OBI1: variants seen among roughly 807,000 people sequenced by gnomAD.
OBI1 encodes the protein ORC ubiquitin ligase 1.
Under a neutral mutation model 62.4 loss-of-function variants are expected in OBI1, and 59 were observed. That is an observed-to-expected ratio of 0.95 (90% confidence interval 0.77 to 1.17). The LOEUF is 1.17. Ranked by LOEUF, OBI1 falls within the 50% of genes most tolerant of loss-of-function variation. OBI1 has a pLI of 0.00. For synonymous variants in OBI1, 302 were observed against 292.8 expected, an observed-to-expected ratio of 1.03 and a Z score of -0.32; for missense variants, 875 against 830.9, an observed-to-expected ratio of 1.05 and a Z score of -0.65.
At chr13:78,651,446 C>T (rs1367059705) in intron 1 of OBI1, among the ~76,000 whole-genome samples, 1 of 152,172 alleles carries the variant, frequency 6.6e-6, no homozygotes, top group Non-Finnish European at 1.5e-5. Context: ...CCTTGACCTA[C>T]CATTTCAATA....
chr13:78,624,534 C>T (rs1875607618), intron 5 of OBI1, among the ~76,000 whole-genome samples: 2 of 152,112 alleles, frequency 1.3e-5, no homozygotes. Context: ...GTGGCATGAT[C>T]ACGGCTCACT....
At chr13:78,620,779 T>C (rs185124102) in intron 5 of OBI1, 1 of 388,944 alleles carries the variant, frequency 2.6e-6, no homozygotes, top group East Asian at 7.5e-5. Flanking sequence ...CCTAAGACCA[T>C]ATTTTCTCAT....
chr13:78,632,392 C>T (rs1290733248), intron 5 of OBI1, among the ~76,000 whole-genome samples: 1 of 152,130 alleles, frequency 6.6e-6, no homozygotes, highest in East Asian at 1.9e-4. Context: ...ACAATCTGAG[C>T]TAATACACCT....
At chr13:78,654,624 G>A (rs1486620621) in intron 1 of OBI1, among the ~76,000 whole-genome samples, 1 of 152,168 alleles carries the variant, frequency 6.6e-6, no homozygotes, top group Non-Finnish European at 1.5e-5. Context: ...CAATATGGGT[G>A]AGAAGAAGAG....
intron 1 of OBI1, among the ~76,000 whole-genome samples, chr13:78,658,544 G>T (rs1169841494): frequency 6.6e-6 from 1 of 152,134 alleles, no homozygotes; most frequent in East Asian, 1.9e-4. Flanking sequence ...CATCCTCAAG[G>T]CCAGGATAAA....
rs763995541 is a variant in OBI1, at chr13:78,659,147, G to A, written c.-27C>T. ...GCAGCGTTCAGAATCCCGCCAACAC[G>A]GAAGTCCCGCCGACCTACCGCTACT... On this transcript the variant is annotated 5_prime_UTR_variant, in exon 1 of 6. Transcript: ENST00000282003. 1 of 1,604,602 alleles carries A rather than the reference G, an allele frequency of 6.2e-7. No individual in the cohort carries two copies. Among genetic ancestry groups the A allele is most frequent in the Non-Finnish European group, 8.5e-7 (1 of 1,174,930 alleles).
At position 78,616,758 on chromosome 13, in the gene OBI1, C is replaced by G; in HGVS notation, c.1003G>C (p.Asp335His). The G allele has an allele frequency of 6.2e-7, 1 of 1,614,176 alleles. No individual in the cohort carries two copies. Among genetic ancestry groups the G allele is most frequent in the Non-Finnish European group, 8.5e-7 (1 of 1,180,018 alleles). ...TCTTTGTTCTTAGAACAGTTAAGGT[C>G]TGCTTTGCTGGTACTTTCCTGCCTT... ...SARQESTSKA[D>H]LNCSKNKDLY... Residue 335 changes from aspartate (D) to histidine (H), a missense_variant, in exon 6 of 6, where the codon GAC (aspartate) becomes CAC (histidine). Transcript: ENST00000282003.
chr13:78,619,784 G>A (rs780710747), intron 5 of OBI1, among the ~76,000 whole-genome samples: 6 of 152,132 alleles, frequency 3.9e-5, no homozygotes, highest in Non-Finnish European at 5.9e-5. Context: ...CCTGGTATAC[G>A]GCACTTGCCT....
rs752759194 is a variant in OBI1 at position 78,644,905 on chromosome 13, G to A, written c.165C>T (p.Cys55=). Residue 55 remains cysteine (C), a synonymous_variant, in exon 2 of 6, where the codon TGC becomes TGT. Transcript: ENST00000282003. ...WLKNNSQCPA[C]RVPITPENPC... ...GATTTTCAGGAGTGATGGGGACTCT[G>A]CAAGCTGGACACTGGCTATTATTCT... 1.9e-6 allele frequency: 3 copies of A among 1,613,888 alleles called. No homozygotes were observed. Among genetic ancestry groups the A allele is most frequent in the African/African-American group, 1.3e-5 (1 of 74,910 alleles).
intron 1 of OBI1, among the ~76,000 whole-genome samples, chr13:78,648,781 C>T (rs547033214): frequency 3.9e-5 from 6 of 152,064 alleles, no homozygotes; most frequent in Admixed American, 2.6e-4. Context: ...GTCTTAGTGG[C>T]GTGTGCCTGT....
In OBI1 at chr13:78,615,619, G is replaced by A; in HGVS notation, c.2142C>T (p.Ser714=). The A allele has an allele frequency of 1.2e-6, 2 of 1,612,902 alleles. No individual in the cohort carries two copies. Among genetic ancestry groups the A allele is most frequent in the Non-Finnish European group, 1.7e-6 (2 of 1,179,504 alleles). Reference sequence around the variant, plus strand: ...CTTTTGATGGGCTGGCACTGGAAAGGCTGCTCTGGATTTTTCTTTTTGTTG... The same window carrying A: ...CTTTTGATGGGCTGGCACTGGAAAGACTGCTCTGGATTTTTCTTTTTGTTG... ...NQSTKRKIQS[S]LSSASPSKAT... The change falls in exon 6 of 6, where the codon AGC becomes AGT. Residue 714 remains serine (S), a synonymous_variant. Transcript: ENST00000282003.
At position 78,638,951 on chromosome 13, in the gene OBI1, C is replaced by T. The variant is rs1781092740; in HGVS notation, c.421G>A (p.Asp141Asn). ...LTLVQGNQNE[D>N]KHLVTDNPSK... ...GGATTATCTGTGACTAGATGTTTGTCTTCATTTTGGTTGCCCTGCACCAAG... is the reference window on the plus strand; with the variant it reads ...GGATTATCTGTGACTAGATGTTTGTTTTCATTTTGGTTGCCCTGCACCAAG... The change falls in exon 4 of 6, where the codon GAC becomes AAC. Residue 141 changes from aspartate to asparagine, a missense_variant. By Grantham distance (23) the Asp-to-Asn change is conservative. Transcript: ENST00000282003. 1 of 1,613,832 alleles carries T rather than the reference C, an allele frequency of 6.2e-7. No individual in the cohort carries two copies. Among genetic ancestry groups the T allele is most frequent in the Non-Finnish European group, 8.5e-7 (1 of 1,179,956 alleles).
rs1206798089 is a variant in OBI1 at position 78,638,944 on chromosome 13, T to C, written c.428A>G (p.His143Arg). 1.5e-5 allele frequency: 24 copies of C among 1,613,916 alleles called. No homozygotes were observed. The highest frequency in any genetic ancestry group is 1.9e-5 in the Non-Finnish European group (23 of 1,179,966). The change falls in exon 4 of 6, where the codon CAT becomes CGT. Residue 143 changes from histidine to arginine, a missense_variant. Transcript: ENST00000282003. The part of the protein sequence containing the change: ...LVQGNQNEDK[H>R]LVTDNPSKIN... ...TTTACTTGGATTATCTGTGACTAGATGTTTGTCTTCATTTTGGTTGCCCTG... is the reference window on the plus strand; with the variant it reads ...TTTACTTGGATTATCTGTGACTAGACGTTTGTCTTCATTTTGGTTGCCCTG...
rs761617267 is a variant in OBI1, at chr13:78,615,813, ACT to A, written c.1946_1947del (p.Glu649ValfsTer15). 11 of 1,613,754 alleles carry A rather than the reference ACT, an allele frequency of 6.8e-6. No homozygotes were observed. Among genetic ancestry groups the A allele is most frequent in the South Asian group, 1.1e-5 (1 of 90,954 alleles). The part of the protein sequence containing the change: ...IKPPSCLFQT[E>X]FSQGILLSSS... ...CTGCTTAACAAAATGCCCTGGGAAAACTCTGTCTGAAACAAGCAGCTTGGGGG... is the reference window on the plus strand; with the variant it reads ...CTGCTTAACAAAATGCCCTGGGAAAACTGTCTGAAACAAGCAGCTTGGGGG... On this transcript the variant is annotated frameshift_variant, in exon 6 of 6. Transcript: ENST00000282003. LOFTEE classifies it high-confidence loss of function.
At chr13:78,620,728 G>A (rs1403187817) in intron 5 of OBI1, 2 of 439,314 alleles carry the variant, frequency 4.6e-6, no homozygotes, top group African/African-American at 4.1e-5. Flanking sequence ...CCTTTGAGGT[G>A]GTATAACTAA....
At chr13:78,656,558 G>T (rs1023421160) in intron 1 of OBI1, among the ~76,000 whole-genome samples, 1 of 151,320 alleles carries the variant, frequency 6.6e-6, no homozygotes. Context: ...CTCCAGCCCG[G>T]GCAACAAGAG....
chr13:78,620,757 C>A, intron 5 of OBI1: 1 of 412,860 alleles, frequency 2.4e-6, no homozygotes, highest in Non-Finnish European at 4.8e-6. Context: ...GCATCTCTAA[C>A]AACAAAAAGT....
chr13:78,645,021 AG>A, intron 1 of OBI1, 24 bp from the exon 2 acceptor site: 1 of 1,597,260 alleles, frequency 6.3e-7, no homozygotes, highest in East Asian at 2.2e-5. Context: ...AATCACTTTT[AG>A]TACAGGACAA....
intron 4 of OBI1, among the ~76,000 whole-genome samples, chr13:78,637,618 G>A (rs1263952313): frequency 2.1e-4 from 32 of 152,204 alleles, no homozygotes; most frequent in Admixed American, 2.0e-3. Flanking sequence ...AAGGCAAATT[G>A]ATAAATACTG....
Sources: gnomAD v4.1 joint callset for allele counts (sites outside exome capture counted in the v4.1 genomes callset) on GRCh38, gnomAD v4.1.1 for gene constraint, MANE v1.5 for transcripts, NCBI Gene and HGNC (gene_info 2026-07-23, HGNC 2026-07-21) for gene names.